C7orf57: variants seen among roughly 807,000 people sequenced by gnomAD.
C7orf57 encodes uncharacterized protein C7orf57.
C7orf57 carries 33 observed loss-of-function variants against 39.0 expected under a neutral mutation model. The ratio of observed to expected loss-of-function variants is 0.85; its 90% CI spans 0.64 to 1.13. C7orf57 has a LOEUF of 1.13. Among genes scored for constraint, C7orf57 ranks in the 50% most tolerant of loss-of-function variants. The pLI, the probability that C7orf57 is intolerant of heterozygous loss-of-function variation, is 0.00. For synonymous variants in C7orf57, 124 were observed against 137.1 expected (o/e 0.90, Z 0.67); for missense variants, 346 against 362.3 (o/e 0.95, Z 0.37).
rs1316934082 is a variant in C7orf57 at position 48,035,618 on chromosome 7, C to A, written c.-114C>A. 2.0e-5 allele frequency: 14 copies of A among 688,364 alleles called. No individual in the cohort carries two copies. Among genetic ancestry groups the A allele is most frequent in the Non-Finnish European group, 3.2e-5 (12 of 378,426 alleles). 42.6% of individuals were successfully genotyped at this position (688,364 alleles called of 1,614,324 possible). On this transcript the variant is annotated 5_prime_UTR_variant, in exon 1 of 9. Transcript: ENST00000348904. This position sits in a 1 kb window ranked among gnomAD's most constrained non-coding sequence, Gnocchi z 4.0. ...CGCCGCGGGCAGCACCCACGGAGAC[C>A]CGCGGGGAGCTGGTGAGCCTGAGCG...
rs1228700045 is a variant in C7orf57 at position 48,051,795 on chromosome 7, TTTCC to T, written c.606-894_606-891del. On this transcript the variant is annotated intron_variant, in intron 6 of 8. Transcript: ENST00000348904. ...CTTTCTTTCTTTCTTTCTTTCTTTC[TTTCC>T]TTCCTTCCTTTTCTCTTCTCTTTCT... Among the ~76,000 whole-genome samples, 392 of 77,594 alleles carry T rather than the reference TTTCC, an allele frequency of 5.1e-3. 17 individuals are homozygous for T. Among genetic ancestry groups the T allele is most frequent in the African/African-American group, 0.019 (369 of 19,738 alleles). The allele number at this position is 77,594 out of a possible 152,430, so 50.9% of individuals were successfully genotyped here. A position where few individuals can be genotyped will look rare whatever the true frequency, so the allele number is the denominator to read the frequency against.
chr7:48,037,768 T>TGTGCGC (rs977066344), intron 2 of C7orf57, among the ~76,000 whole-genome samples: 31 of 150,444 alleles, frequency 2.1e-4, no homozygotes, highest in African/African-American at 6.6e-4. Context: ...TGTGTGTGTG[T>TGTGCGC]GCGCGCGCGT....
Position 48,048,919 on chromosome 7 carries a change from T to C in C7orf57, c.508-961T>C, listed in dbSNP as rs150143657. On this transcript the variant is annotated intron_variant, in intron 5 of 8. Transcript: ENST00000348904. ...CTAAGGTCAACACGACCATGAACCATAGGTAACATCTCCAACCAGAAACAT... is the reference window on the plus strand; with the variant it reads ...CTAAGGTCAACACGACCATGAACCACAGGTAACATCTCCAACCAGAAACAT... Among the ~76,000 whole-genome samples the C allele has an allele frequency of 5.2e-3, 797 of 152,188 alleles. 3 individuals carry two copies. Among genetic ancestry groups the C allele is most frequent in the Admixed American group, 0.011 (165 of 15,290 alleles).
rs1562630375 is a variant in C7orf57 at position 48,051,868 on chromosome 7, TTTCTCTTTC to T, written c.606-830_606-822del. On this transcript the variant is annotated intron_variant, in intron 6 of 8. Coordinates refer to ENST00000348904, the MANE Select transcript of C7orf57 (RefSeq NM_001100159.3). ...CTTTCTTTCTTTCTTTCTTTCTTTCTTTCTCTTTCTCTTTCTTTCTTTCCTTCCTTCCTT... is the reference window on the plus strand; with the variant it reads ...CTTTCTTTCTTTCTTTCTTTCTTTCTTCTTTCTTTCTTTCCTTCCTTCCTT... 2.9e-3 allele frequency among the ~76,000 whole-genome samples: 170 copies of T among 57,964 alleles called. 12 individuals are homozygous for T. The highest frequency in any genetic ancestry group is 6.0e-3 in the South Asian group (11 of 1,820). The allele number at this position is 57,964 out of a possible 152,430, so 38.0% of individuals were successfully genotyped here. A position where few individuals can be genotyped will look rare whatever the true frequency, so the allele number is the denominator to read the frequency against.
At chr7:48,052,660 C>G in intron 6 of C7orf57, 40 bp from the exon 7 acceptor site, 1 of 1,544,706 alleles carries the variant, frequency 6.5e-7, no homozygotes. Flanking sequence ...TATCATTAAC[C>G]CTTGTACTTA....
chr7:48,036,102 C>T (rs1013971316), intron 1 of C7orf57, 106 bp from the exon 2 acceptor site: 30 of 640,270 alleles, frequency 4.7e-5, no homozygotes, highest in African/African-American at 4.4e-4. Context: ...TGCTGTATAC[C>T]CTGCATGGAA....
Position 48,035,736 on chromosome 7 carries a change from G to T in C7orf57, c.-102+106G>T, listed in dbSNP as rs1327366882. On this transcript the variant is annotated intron_variant, in intron 1 of 8. Transcript: ENST00000348904. The surrounding 1 kb of genome is among the most constrained non-coding windows in gnomAD (Gnocchi z 4.0). ...GGGCAGTGCGCGCCGGGGCTGGAGG[G>T]AGGGGACCACCTTGTCGCCGGGTTG... The T allele has an allele frequency of 1.0e-5, 6 of 585,554 alleles. No individual in the cohort carries two copies. Among genetic ancestry groups the T allele is most frequent in the Admixed American group, 3.0e-5 (1 of 33,030 alleles). The allele number at this position is 585,554 out of a possible 1,614,324, so 36.3% of individuals were successfully genotyped here. A position where few individuals can be genotyped will look rare whatever the true frequency, so the allele number is the denominator to read the frequency against.
intron 5 of C7orf57, among the ~76,000 whole-genome samples, chr7:48,048,826 C>A (rs1466121631): frequency 6.6e-6 from 1 of 152,090 alleles, no homozygotes; most frequent in Non-Finnish European, 1.5e-5. Context: ...CCATCTTGGA[C>A]AAGCCTCTCA....
chr7:48,041,663 G>A lies in C7orf57; in HGVS notation c.241+144G>A, dbSNP rs1235211191. ...CTTGGGAAAGCTAGGTTAATTAGGT[G>A]TAGGGATGAGCATGATCTCCAGGGA... On this transcript the variant is annotated intron_variant, in intron 3 of 8. Transcript: ENST00000348904. 5.0e-6 allele frequency: 3 copies of A among 604,152 alleles called. No individual in the cohort carries two copies. In the South Asian group the frequency reaches 8.6e-5, roughly 17 times the overall value. 37.4% of individuals were successfully genotyped at this position (604,152 alleles called of 1,614,324 possible).
intron 6 of C7orf57, among the ~76,000 whole-genome samples, chr7:48,051,822 T>C (rs1290759157): frequency 7.5e-4 from 8 of 10,674 alleles, no homozygotes; most frequent in East Asian, 3.0e-3. Context: ...CTCTTCTCTT[T>C]CTTTCTTTCT....
chr7:48,052,107 G>C (rs987673262), intron 6 of C7orf57, among the ~76,000 whole-genome samples: 2 of 151,678 alleles, frequency 1.3e-5, no homozygotes, highest in Admixed American at 6.6e-5. Context: ...CTGAGTAGCT[G>C]GGACTACAGG....
At chr7:48,055,992 A>C (rs1791105340) in intron 8 of C7orf57, among the ~76,000 whole-genome samples, 1 of 152,104 alleles carries the variant, frequency 6.6e-6, no homozygotes. Flanking sequence ...CAGCAGTGGG[A>C]TTGCTATATC....
chr7:48,048,542 G>A (rs949330172), intron 5 of C7orf57, among the ~76,000 whole-genome samples: 1 of 152,066 alleles, frequency 6.6e-6, no homozygotes, highest in African/African-American at 2.4e-5. Context: ...TGTTTGCTTC[G>A]TTTTGTTTTT....
At chr7:48,048,724 A>G (rs1195671061) in intron 5 of C7orf57, among the ~76,000 whole-genome samples, 1 of 151,382 alleles carries the variant, frequency 6.6e-6, no homozygotes, top group Non-Finnish European at 1.5e-5. Flanking sequence ...CAGCATTTCT[A>G]CCCCTCTTTA....
At chr7:48,050,902 C>T (rs999035909) in intron 6 of C7orf57, among the ~76,000 whole-genome samples, 3 of 151,720 alleles carry the variant, frequency 2.0e-5, no homozygotes, top group African/African-American at 7.3e-5. Context: ...CTCCTGTGCT[C>T]AAAAAATCCT....
At chr7:48,045,550 T>C (rs1015011671) in intron 4 of C7orf57, among the ~76,000 whole-genome samples, 6 of 152,190 alleles carry the variant, frequency 3.9e-5, no homozygotes. Context: ...TTTGCTGCAG[T>C]GGTGCCCAGT....
rs887411041 is a variant in C7orf57, at chr7:48,061,228, G to C, written c.*956G>C. 5.3e-5 allele frequency: 8 copies of C among 152,066 alleles called. No individual in the cohort carries two copies. The highest frequency in any genetic ancestry group is 4.4e-5 in the Non-Finnish European group (3 of 68,016). The allele number at this position is 152,066 out of a possible 1,614,324, so 9.4% of individuals were successfully genotyped here. On this transcript the variant is annotated 3_prime_UTR_variant, in exon 9 of 9. Transcript: ENST00000348904. Reference sequence around the variant, plus strand: ...TCATTGATCAAACTGATATGCTACAGGAGAATGTATGCAATGTGTAAAAAA... The same window carrying C: ...TCATTGATCAAACTGATATGCTACACGAGAATGTATGCAATGTGTAAAAAA...
intron 3 of C7orf57, among the ~76,000 whole-genome samples, chr7:48,041,959 T>C (rs143945702): frequency 8.5e-5 from 13 of 152,326 alleles, no homozygotes; most frequent in African/African-American, 2.2e-4. Flanking sequence ...ATGAAGACCA[T>C]AGAGGAGTTT....
At chr7:48,048,422 A>G (rs577338745) in intron 5 of C7orf57, among the ~76,000 whole-genome samples, 1 of 152,226 alleles carries the variant, frequency 6.6e-6, no homozygotes, top group Non-Finnish European at 1.5e-5. Flanking sequence ...GTTGGTTACC[A>G]GCATTCATGG....
Sources: gnomAD v4.1 joint callset for allele counts (sites outside exome capture counted in the v4.1 genomes callset) on GRCh38, gnomAD v4.1.1 for gene constraint, Gnocchi (gnomAD v3.1) non-coding constraint, MANE v1.5 for transcripts, NCBI Gene and HGNC (gene_info 2026-07-23, HGNC 2026-07-21) for gene names.